ASTN2: variants seen among roughly 807,000 people sequenced by gnomAD.
ASTN2 encodes astrotactin 2.
Under a neutral mutation model 139.8 loss-of-function variants are expected in ASTN2, and 54 were observed. The observed-to-expected ratio is 0.39, with a 90% CI of 0.31 to 0.48. ASTN2 has a LOEUF of 0.48. Ranked by LOEUF, ASTN2 falls within the 20% of genes least tolerant of loss-of-function variation. The probability of loss-of-function intolerance (pLI) is 0.95; values close to 1 mark genes in which losing one functional copy is unlikely to be tolerated. For synonymous variants in ASTN2, 756 were observed against 719.5 expected, an observed-to-expected ratio of 1.05 and a Z score of -0.81; for missense variants, 1,565 against 1,725.1, an observed-to-expected ratio of 0.91 and a Z score of 1.64.
At chr9:117,159,246 T>C (rs528763866) in intron 3 of ASTN2, among the ~76,000 whole-genome samples, 2 of 151,976 alleles carry the variant, frequency 1.3e-5, no homozygotes, top group East Asian at 1.9e-4. Context: ...TTCTGAACAG[T>C]TTTTTTAAAA....
intron 3 of ASTN2, chr9:117,180,915 G>C: frequency 6.3e-7 from 1 of 1,593,534 alleles, no homozygotes; most frequent in Non-Finnish European, 8.5e-7. Context: ...CATGCTCCTT[G>C]TTCTGCAGCT....
chr9:116,599,235 C>T (rs950093769), intron 19 of ASTN2, among the ~76,000 whole-genome samples: 2 of 152,168 alleles, frequency 1.3e-5, no homozygotes, highest in African/African-American at 4.8e-5. Flanking sequence ...CACTATTTTC[C>T]AGCAGAAGCC....
chr9:116,938,574 T>C (rs898116943), intron 10 of ASTN2, among the ~76,000 whole-genome samples: 1 of 152,118 alleles, frequency 6.6e-6, no homozygotes, highest in African/African-American at 2.4e-5. Context: ...GCAGTGCTTA[T>C]ATGAAGTTTG....
chr9:117,219,088 G>C lies in ASTN2; in HGVS notation c.631-4346C>G, dbSNP rs150599842. Among the ~76,000 whole-genome samples, 559 of 152,282 alleles carry C rather than the reference G, an allele frequency of 3.7e-3. 5 individuals are homozygous for C. The highest frequency in any genetic ancestry group is 0.012 in the African/African-American group (516 of 41,550). On this transcript the variant is annotated intron_variant, in intron 2 of 22. Transcript: ENST00000313400. ...AAGAGTGCCGTGCACAAGCAAAGGA[G>C]CTCAAGAGAACCATCTGGCTGCTTC...
chr9:117,104,684 G>A (rs1208161319), intron 4 of ASTN2, among the ~76,000 whole-genome samples: 5 of 152,120 alleles, frequency 3.3e-5, no homozygotes, highest in Admixed American at 3.3e-4. Context: ...TTTTTCTCTG[G>A]ATGATAAGAT....
chr9:116,661,927 G>A (rs1056968234), intron 16 of ASTN2, among the ~76,000 whole-genome samples: 3 of 151,726 alleles, frequency 2.0e-5, no homozygotes, highest in African/African-American at 7.3e-5. Flanking sequence ...ATGAGTTAAT[G>A]GGTGCAGCAC....
intron 17 of ASTN2, among the ~76,000 whole-genome samples, chr9:116,648,298 C>A (rs1857712899): frequency 6.6e-6 from 1 of 152,032 alleles, no homozygotes; most frequent in African/African-American, 2.4e-5. Context: ...CCGCACTTGG[C>A]CTAATTTTTC....
At chr9:116,659,479 C>T (rs1858426912) in intron 16 of ASTN2, among the ~76,000 whole-genome samples, 1 of 152,150 alleles carries the variant, frequency 6.6e-6, no homozygotes, top group South Asian at 2.1e-4. Context: ...TATTAATGTA[C>T]ACTTGATAGA....
chr9:117,189,793 C>A (rs1831299517), intron 3 of ASTN2, among the ~76,000 whole-genome samples: 1 of 152,156 alleles, frequency 6.6e-6, no homozygotes, highest in Admixed American at 6.5e-5. Context: ...TGCTGCCAGC[C>A]TCTGCCTGGC....
chr9:116,493,574 T>C (rs1191845373), intron 19 of ASTN2, among the ~76,000 whole-genome samples: 1 of 152,094 alleles, frequency 6.6e-6, no homozygotes, highest in Non-Finnish European at 1.5e-5. Flanking sequence ...TGGATCAATT[T>C]TTCTAGAGGC....
chr9:116,955,410 T>G (rs192240430), intron 10 of ASTN2, among the ~76,000 whole-genome samples: 2 of 152,318 alleles, frequency 1.3e-5, no homozygotes, highest in East Asian at 3.9e-4. Flanking sequence ...AGAGCAGAAA[T>G]AGTAAATGAG....
intron 16 of ASTN2, among the ~76,000 whole-genome samples, chr9:116,711,309 A>C (rs1828151238): frequency 6.6e-6 from 1 of 152,236 alleles, no homozygotes; most frequent in African/African-American, 2.4e-5. Flanking sequence ...AAGCTGCCTA[A>C]AAATGAGCAG....
intron 13 of ASTN2, among the ~76,000 whole-genome samples, chr9:116,789,171 G>A (rs943858356): frequency 1.3e-5 from 2 of 152,120 alleles, no homozygotes; most frequent in Non-Finnish European, 2.9e-5. Context: ...TGACAAGTAA[G>A]AACAATCACT....
At chr9:116,873,269 C>T (rs984490118) in intron 10 of ASTN2, among the ~76,000 whole-genome samples, 1 of 152,182 alleles carries the variant, frequency 6.6e-6, no homozygotes, top group East Asian at 1.9e-4. Flanking sequence ...GTGCCTGGCA[C>T]ATGGTGACTG....
intron 19 of ASTN2, among the ~76,000 whole-genome samples, chr9:116,539,266 G>A (rs536071080): frequency 4.6e-5 from 7 of 152,180 alleles, no homozygotes; most frequent in Middle Eastern, 3.4e-3. Flanking sequence ...AAAATTGACC[G>A]TGGTGATAAT....
intron 11 of ASTN2, 139 bp downstream of exon 11, chr9:116,863,444 C>T: frequency 9.4e-7 from 1 of 1,060,824 alleles, no homozygotes; most frequent in Non-Finnish European, 1.3e-6. Context: ...GGTAGGCTGG[C>T]ATACTGAAGG....
chr9:116,699,852 T>A lies in ASTN2; in HGVS notation c.2806+25919A>T. On this transcript the variant is annotated intron_variant, in intron 16 of 22. Coordinates refer to ENST00000313400, the MANE Select transcript of ASTN2 (RefSeq NM_001365068.1). The surrounding 1 kb of genome is among the most constrained non-coding windows in gnomAD (Gnocchi z 4.2). ...GAACTTCAGAAGCTCCATCTTTTAATGTTTTTATTTGTTATGTCCCCCTCC... is the reference window on the plus strand; with the variant it reads ...GAACTTCAGAAGCTCCATCTTTTAAAGTTTTTATTTGTTATGTCCCCCTCC... The A allele has an allele frequency of 1.9e-6, 2 of 1,070,430 alleles. No homozygotes were observed. The highest frequency in any genetic ancestry group is 2.7e-6 in the Non-Finnish European group (2 of 736,782). 66.3% of individuals were successfully genotyped at this position (1,070,430 alleles called of 1,614,324 possible).
intron 10 of ASTN2, among the ~76,000 whole-genome samples, chr9:116,921,415 T>C (rs1343232041): frequency 6.6e-6 from 1 of 151,862 alleles, no homozygotes; most frequent in Non-Finnish European, 1.5e-5. Flanking sequence ...GGTGAAACTC[T>C]GTCTGTACTA....
intron 7 of ASTN2, among the ~76,000 whole-genome samples, 168 bp downstream of exon 7, chr9:117,007,924 A>G (rs975659329): frequency 6.6e-6 from 1 of 152,126 alleles, no homozygotes; most frequent in African/African-American, 2.4e-5. Flanking sequence ...TCCCCCCTTG[A>G]AAGGCAATGG....
Sources: gnomAD v4.1 joint callset for allele counts (sites outside exome capture counted in the v4.1 genomes callset) on GRCh38, gnomAD v4.1.1 for gene constraint, Gnocchi (gnomAD v3.1) non-coding constraint, MANE v1.5 for transcripts, NCBI Gene and HGNC (gene_info 2026-07-23, HGNC 2026-07-21) for gene names.